Variants in NELL2 observed in about 807,000 individuals in gnomAD.
NELL2 encodes neural EGFL like 2, also known as protein kinase C-binding protein NELL2.
NELL2 carries 41 observed loss-of-function variants against 109.6 expected under a neutral mutation model. That is an observed-to-expected ratio of 0.37 (90% confidence interval 0.29 to 0.49). The LOEUF (loss-of-function observed/expected upper bound fraction) is 0.49. NELL2 is among the 20% of genes least tolerant of loss of function. The pLI, the probability that NELL2 is intolerant of heterozygous loss-of-function variation, is 0.98. For missense variants in NELL2, 900 were observed against 1,008.3 expected (o/e 0.89, Z 1.45); for synonymous variants, 355 against 344.7 (o/e 1.03, Z -0.33).
chr12:44,532,407 T>C (rs965378935), intron 16 of NELL2, 174 bp downstream of exon 16: 17 of 468,010 alleles, frequency 3.6e-5, no homozygotes, highest in Non-Finnish European at 5.7e-5. Context: ...AAAAATAACA[T>C]TAGATACCAT....
At chr12:44,703,091 C>A (rs970918178) in intron 12 of NELL2, among the ~76,000 whole-genome samples, 3 of 152,180 alleles carry the variant, frequency 2.0e-5, no homozygotes, top group African/African-American at 7.2e-5. Flanking sequence ...TCAGGGAAAT[C>A]ATAAATTACC....
At position 44,710,375 on chromosome 12, in the gene NELL2, T is replaced by C. The variant is rs111586880; in HGVS notation, c.1189+917A>G. 4.6e-3 allele frequency among the ~76,000 whole-genome samples: 702 copies of C among 152,284 alleles called. 8 individuals are homozygous for C. The highest frequency in any genetic ancestry group is 0.017 in the Middle Eastern group (5 of 294). ...TATACAGCACCAATTACATCAGTTA[T>C]AAGTACCAGCTACATTCCAGGTATC... On this transcript the variant is annotated intron_variant, in intron 11 of 19. Coordinates refer to ENST00000429094, the MANE Select transcript of NELL2 (RefSeq NM_001145108.2).
chr12:44,713,129 A>T (rs919858086), intron 10 of NELL2, among the ~76,000 whole-genome samples: 1 of 151,462 alleles, frequency 6.6e-6, no homozygotes, highest in African/African-American at 2.4e-5. Context: ...ACATTTCTAA[A>T]CCACAATTAT....
At chr12:44,679,259 G>A (rs928759551) in intron 12 of NELL2, among the ~76,000 whole-genome samples, 1 of 152,070 alleles carries the variant, frequency 6.6e-6, no homozygotes, top group Non-Finnish European at 1.5e-5. Flanking sequence ...GGATGAAGAA[G>A]TTACTGTCTG....
intron 15 of NELL2, among the ~76,000 whole-genome samples, chr12:44,582,711 G>A (rs1321379088): frequency 6.6e-6 from 1 of 151,568 alleles, no homozygotes; most frequent in African/African-American, 2.4e-5. Context: ...GAGGTGAGAA[G>A]GTCAAAGAAC....
intron 13 of NELL2, among the ~76,000 whole-genome samples, chr12:44,661,115 G>T (rs372970262): frequency 6.6e-6 from 1 of 152,144 alleles, no homozygotes; most frequent in Non-Finnish European, 1.5e-5. Context: ...GTGGAAAAGG[G>T]AAGAAAGCCT....
At chr12:44,777,349 C>G (rs938863635) in intron 5 of NELL2, 35 bp from the exon 6 acceptor site, 1 of 1,546,484 alleles carries the variant, frequency 6.5e-7, no homozygotes. Flanking sequence ...AGACATATTA[C>G]TTTCATTTAC....
intron 12 of NELL2, among the ~76,000 whole-genome samples, chr12:44,684,839 T>A (rs1296553244): frequency 6.6e-6 from 1 of 152,178 alleles, no homozygotes; most frequent in East Asian, 1.9e-4. Flanking sequence ...TACTTCCAAC[T>A]ATGTGGTCAG....
intron 1 of NELL2, among the ~76,000 whole-genome samples, chr12:44,896,229 G>A (rs1453355597): frequency 6.6e-6 from 1 of 152,102 alleles, no homozygotes; most frequent in Non-Finnish European, 1.5e-5. Context: ...ATTTTTGGTG[G>A]TTGCTAAATA....
chr12:44,520,465 A>G (rs772930277), intron 18 of NELL2, among the ~76,000 whole-genome samples: 16 of 152,230 alleles, frequency 1.1e-4, no homozygotes, highest in Non-Finnish European at 1.6e-4. Context: ...GATTTAAATA[A>G]CACCAATAAA....
At chr12:44,671,154 A>G (rs985000892) in intron 12 of NELL2, among the ~76,000 whole-genome samples, 1 of 152,214 alleles carries the variant, frequency 6.6e-6, no homozygotes, top group Non-Finnish European at 1.5e-5. Context: ...GAAATTGTAC[A>G]AATACATGGA....
chr12:44,682,420 G>T (rs1416334019), intron 12 of NELL2, among the ~76,000 whole-genome samples: 9 of 151,974 alleles, frequency 5.9e-5, no homozygotes, highest in South Asian at 2.1e-4. Flanking sequence ...CTCTTTAGTT[G>T]AATTAGATCC....
chr12:44,711,740 T>C (rs527787780), intron 10 of NELL2, among the ~76,000 whole-genome samples: 2 of 152,108 alleles, frequency 1.3e-5, no homozygotes, highest in Non-Finnish European at 1.5e-5. Flanking sequence ...TTGAATTATA[T>C]CAACAGCTTT....
At chr12:44,566,533 TCACACACACA>T (rs3071958) in intron 15 of NELL2, among the ~76,000 whole-genome samples, 13 of 148,868 alleles carry the variant, frequency 8.7e-5, no homozygotes, top group Admixed American at 3.3e-4. Flanking sequence ...TTACACATAC[TCACACACACA>T]CACACACACA....
chr12:44,567,986 C>T (rs963014226), intron 15 of NELL2, among the ~76,000 whole-genome samples: 2 of 151,938 alleles, frequency 1.3e-5, no homozygotes, highest in Non-Finnish European at 2.9e-5. Context: ...ATAGACACAA[C>T]CTATAAAATC....
intron 15 of NELL2, among the ~76,000 whole-genome samples, chr12:44,583,467 G>A (rs1944391340): frequency 6.6e-6 from 1 of 152,040 alleles, no homozygotes; most frequent in African/African-American, 2.4e-5. Context: ...CTATTTCTTG[G>A]GGTTTAGATA....
At chr12:44,787,794 A>T (rs1194753715) in intron 3 of NELL2, among the ~76,000 whole-genome samples, 1 of 152,162 alleles carries the variant, frequency 6.6e-6, no homozygotes, top group African/African-American at 2.4e-5. Context: ...CTCACACTTC[A>T]TGCAAAAATT....
At chr12:44,568,643 C>T (rs1394470983) in intron 15 of NELL2, among the ~76,000 whole-genome samples, 1 of 151,956 alleles carries the variant, frequency 6.6e-6, no homozygotes, top group African/African-American at 2.4e-5. Flanking sequence ...TTGTTTCTGA[C>T]ATATGAATCC....
intron 1 of NELL2, among the ~76,000 whole-genome samples, chr12:44,919,390 A>G (rs544378361): frequency 6.6e-6 from 1 of 152,262 alleles, no homozygotes; most frequent in East Asian, 1.9e-4. Flanking sequence ...CGTATGTTGA[A>G]TGTAACTGTG....
Sources: gnomAD v4.1 joint callset for allele counts (sites outside exome capture counted in the v4.1 genomes callset) on GRCh38, gnomAD v4.1.1 for gene constraint, MANE v1.5 for transcripts, NCBI Gene and HGNC (gene_info 2026-07-23, HGNC 2026-07-21) for gene names.